Variants in KATNIP observed in about 807,000 individuals in gnomAD.
KATNIP encodes katanin interacting protein.
In KATNIP, 126 loss-of-function variants were observed where a neutral mutation model predicts 174.0. That is an observed-to-expected ratio of 0.72 (90% CI 0.63 to 0.84). The LOEUF is 0.84. Ranked by LOEUF, KATNIP falls within the 40% of genes least tolerant of loss-of-function variation. The pLI, the probability that KATNIP is intolerant of heterozygous loss-of-function variation, is 0.00. For synonymous variants in KATNIP, 810 were observed against 835.7 expected (o/e 0.97, Z 0.53); for missense variants, 1,958 against 2,109.7 (o/e 0.93, Z 1.41).
intron 2 of KATNIP, among the ~76,000 whole-genome samples, chr16:27,609,878 G>A (rs192151284): frequency 4.6e-4 from 70 of 152,254 alleles, no homozygotes; most frequent in Admixed American, 2.4e-3. Context: ...TTTTAGTAGA[G>A]ATGAGGTTTC....
chr16:27,737,805 C>T (rs2080953445), intron 14 of KATNIP, among the ~76,000 whole-genome samples: 1 of 152,122 alleles, frequency 6.6e-6, no homozygotes, highest in South Asian at 2.1e-4. Context: ...GTCAGCTGGA[C>T]CCTGTAATTT....
At chr16:27,744,469 G>A (rs1182445044) in intron 15 of KATNIP, among the ~76,000 whole-genome samples, 1 of 151,846 alleles carries the variant, frequency 6.6e-6, no homozygotes, top group East Asian at 1.9e-4. Flanking sequence ...TGAAATGCCT[G>A]AAAAGAAATT....
chr16:27,570,189 A>G (rs1214851527), intron 1 of KATNIP, among the ~76,000 whole-genome samples: 2 of 152,226 alleles, frequency 1.3e-5, no homozygotes, highest in Non-Finnish European at 2.9e-5. Context: ...TTTATTAACC[A>G]AAACTAATAA....
intron 6 of KATNIP, among the ~76,000 whole-genome samples, chr16:27,669,875 T>TG (rs2077831161): frequency 1.3e-5 from 2 of 152,014 alleles, no homozygotes; most frequent in Non-Finnish European, 2.9e-5. Flanking sequence ...AAAATAGAGT[T>TG]GGGGGTCTCA....
intron 14 of KATNIP, chr16:27,722,434 A>G (rs2080279008): frequency 1.3e-5 from 2 of 152,284 alleles, no homozygotes; most frequent in Non-Finnish European, 2.9e-5. Flanking sequence ...CTAACCTCAC[A>G]CTATCTACCC....
intron 6 of KATNIP, among the ~76,000 whole-genome samples, chr16:27,666,264 T>C (rs764236094): frequency 6.6e-6 from 1 of 152,210 alleles, no homozygotes; most frequent in Non-Finnish European, 1.5e-5. Context: ...TACACTTAGC[T>C]TTGAATTAAA....
intron 6 of KATNIP, chr16:27,669,419 G>C: frequency 2.7e-6 from 1 of 369,080 alleles, no homozygotes; most frequent in South Asian, 1.1e-4. Context: ...CTGTTGAAAG[G>C]GCTTGAACTT....
intron 2 of KATNIP, among the ~76,000 whole-genome samples, chr16:27,604,618 G>T (rs964811980): frequency 4.6e-5 from 7 of 152,164 alleles, no homozygotes; most frequent in Non-Finnish European, 8.8e-5. Context: ...GCTCACTGTT[G>T]TATCTCCAGA....
intron 13 of KATNIP, among the ~76,000 whole-genome samples, chr16:27,716,247 G>A (rs2079931692): frequency 2.6e-5 from 4 of 152,084 alleles, no homozygotes; most frequent in East Asian, 1.9e-4. Flanking sequence ...GAAATGTCCC[G>A]AATAGGCAAA....
intron 2 of KATNIP, among the ~76,000 whole-genome samples, chr16:27,603,548 C>T (rs1448277477): frequency 2.0e-5 from 3 of 152,136 alleles, no homozygotes; most frequent in African/African-American, 7.2e-5. Flanking sequence ...CCACCACCCC[C>T]AACTGCAGTG....
intron 14 of KATNIP, among the ~76,000 whole-genome samples, chr16:27,729,232 G>A (rs1458833504): frequency 6.6e-6 from 1 of 152,188 alleles, no homozygotes; most frequent in Non-Finnish European, 1.5e-5. Flanking sequence ...CCATCACTTA[G>A]CTCTCTTCTC....
Position 27,750,281 on chromosome 16 carries a change from C to A in KATNIP, c.3321C>A (p.Ala1107=). Residue 1107 remains alanine (A), a synonymous_variant, in exon 16 of 28, where the codon GCC becomes GCA. Coordinates refer to ENST00000261588, the MANE Select transcript of KATNIP (RefSeq NM_015202.5). ...DTQCIFEGEI[A]KASGTLAGAP... is the part of the protein sequence containing the mutation. The stretch of plus-strand genomic sequence containing the variant: ...AGTGCATCTTTGAAGGAGAAATCGC[C>A]AAGGCCTCTGGAACCCTGGCGGGAG... 3.1e-6 allele frequency: 5 copies of A among 1,612,814 alleles called. No homozygotes were observed. The highest frequency in any genetic ancestry group is 3.4e-6 in the Non-Finnish European group (4 of 1,179,164).
chr16:27,646,937 G>T (rs974717037), intron 5 of KATNIP, among the ~76,000 whole-genome samples: 2 of 152,320 alleles, frequency 1.3e-5, no homozygotes, highest in Non-Finnish European at 2.9e-5. Context: ...GCTGGCAGAG[G>T]AAGCTGCAGG....
rs180965191 is a variant in KATNIP, at chr16:27,630,078, G to A, written c.311-987G>A. 2.0e-5 allele frequency among the ~76,000 whole-genome samples: 3 copies of A among 152,290 alleles called. No homozygotes were observed. The East Asian group carries it at 5.8e-4, about 29-fold the overall frequency. ...GGACTGGCGAGACTGCTTATCCCAAGTAGCTGTCAGAATGCCTTTAAGGTA... is the reference window on the plus strand; with the variant it reads ...GGACTGGCGAGACTGCTTATCCCAAATAGCTGTCAGAATGCCTTTAAGGTA... On this transcript the variant is annotated intron_variant, in intron 4 of 27. Transcript: ENST00000261588.
chr16:27,597,604 G>A (rs2075381181), intron 2 of KATNIP, among the ~76,000 whole-genome samples: 1 of 151,924 alleles, frequency 6.6e-6, no homozygotes, highest in South Asian at 2.1e-4. Flanking sequence ...TCTCCAGCCG[G>A]AGGACATTAG....
intron 2 of KATNIP, among the ~76,000 whole-genome samples, chr16:27,601,828 G>A (rs953920709): frequency 6.6e-6 from 1 of 152,212 alleles, no homozygotes; most frequent in African/African-American, 2.4e-5. Flanking sequence ...CAGCAGCCCT[G>A]GGGTGTGGGG....
At chr16:27,551,862 C>CAATAAT (rs907231975) in intron 1 of KATNIP, among the ~76,000 whole-genome samples, 3 of 151,114 alleles carry the variant, frequency 2.0e-5, no homozygotes, top group Non-Finnish European at 2.9e-5. Flanking sequence ...CAAAAAAACC[C>CAATAAT]AATAATAATA....
intron 2 of KATNIP, among the ~76,000 whole-genome samples, chr16:27,611,109 G>A (rs1179570244): frequency 2.0e-5 from 3 of 152,192 alleles, no homozygotes; most frequent in South Asian, 4.1e-4. Flanking sequence ...CATCATGGGT[G>A]CACGTCCTCA....
intron 24 of KATNIP, 68 bp downstream of exon 24, chr16:27,775,152 GT>G: frequency 6.5e-7 from 1 of 1,532,734 alleles, no homozygotes. Flanking sequence ...TCTTTCCCTG[GT>G]CTCAGTGACA....
Sources: gnomAD v4.1 joint callset for allele counts (sites outside exome capture counted in the v4.1 genomes callset) on GRCh38, gnomAD v4.1.1 for gene constraint, MANE v1.5 for transcripts, NCBI Gene and HGNC (gene_info 2026-07-23, HGNC 2026-07-21) for gene names.